The following VAV3 variants were observed in gnomAD, a reference collection of about 807,000 sequenced individuals.
VAV3 encodes the protein guanine nucleotide exchange factor VAV3.
VAV3 carries 94 observed loss-of-function variants against 131.2 expected under a neutral mutation model. The ratio of observed to expected loss-of-function variants is 0.72; its 90% confidence interval spans 0.61 to 0.85. The LOEUF (loss-of-function observed/expected upper bound fraction) is 0.85. VAV3 is among the 40% of genes least tolerant of loss of function. The pLI is 0.00. For missense variants in VAV3, 939 were observed against 1,002.7 expected, an observed-to-expected ratio of 0.94 and a Z score of 0.86; for synonymous variants, 349 against 342.0, an observed-to-expected ratio of 1.02 and a Z score of -0.22.
At chr1:107,863,635 G>A (rs1044386771) in intron 2 of VAV3, among the ~76,000 whole-genome samples, 1 of 152,070 alleles carries the variant, frequency 6.6e-6, no homozygotes, top group Non-Finnish European at 1.5e-5. Flanking sequence ...TTACCACTTC[G>A]GCACCTTCCT....
intron 1 of VAV3, among the ~76,000 whole-genome samples, chr1:107,939,851 C>T (rs747762014): frequency 2.0e-4 from 31 of 151,948 alleles, no homozygotes; most frequent in Non-Finnish European, 4.3e-4. Context: ...AATATCTCCC[C>T]CCACCCCCAT....
At chr1:107,855,287 A>T (rs1274300296) in intron 2 of VAV3, among the ~76,000 whole-genome samples, 1 of 151,994 alleles carries the variant, frequency 6.6e-6, no homozygotes, top group African/African-American at 2.4e-5. Flanking sequence ...ATTTTATTTT[A>T]TTTTTTTGAG....
chr1:107,758,680 T>G (rs977902612), intron 10 of VAV3, among the ~76,000 whole-genome samples: 7 of 152,178 alleles, frequency 4.6e-5, no homozygotes, highest in Non-Finnish European at 8.8e-5. Flanking sequence ...GTTTCTATAA[T>G]ATAAATCAGA....
Position 107,907,435 on chromosome 1 carries a change from T to G in VAV3, c.205-32418A>C, listed in dbSNP as rs530520440. Among the ~76,000 whole-genome samples the G allele has an allele frequency of 1.9e-3, 292 of 152,270 alleles. 3 individuals carry two copies. The highest frequency in any genetic ancestry group is 6.9e-3 in the African/African-American group (288 of 41,542). Reference sequence around the variant, plus strand: ...TTTTTAACACAAAAATTTTAAGATATATGTATAACTGCTATCATTTAAATG... The same window carrying G: ...TTTTTAACACAAAAATTTTAAGATAGATGTATAACTGCTATCATTTAAATG... On this transcript the variant is annotated intron_variant, in intron 1 of 26. Coordinates refer to ENST00000370056, the MANE Select transcript of VAV3 (RefSeq NM_006113.5).
At chr1:107,920,344 C>T (rs998282977) in intron 1 of VAV3, among the ~76,000 whole-genome samples, 2 of 152,180 alleles carry the variant, frequency 1.3e-5, no homozygotes, top group Admixed American at 6.5e-5. Flanking sequence ...GGTATAAATA[C>T]GGCCATCCAC....
chr1:107,829,953 T>G (rs1438319679), intron 2 of VAV3, among the ~76,000 whole-genome samples: 1 of 152,184 alleles, frequency 6.6e-6, no homozygotes, highest in Non-Finnish European at 1.5e-5. Flanking sequence ...AAGTTTTATT[T>G]CATTTAAAGA....
At chr1:107,773,374 A>C (rs1665159228) in intron 4 of VAV3, among the ~76,000 whole-genome samples, 1 of 152,196 alleles carries the variant, frequency 6.6e-6, no homozygotes, top group South Asian at 2.1e-4. Context: ...TAGGAGAGTT[A>C]AATTGTATCT....
chr1:107,665,992 G>C (rs891229290), intron 19 of VAV3, among the ~76,000 whole-genome samples: 1 of 152,176 alleles, frequency 6.6e-6, no homozygotes, highest in East Asian at 1.9e-4. Flanking sequence ...AAAACAGGGA[G>C]GGGGAAGAGT....
intron 18 of VAV3, among the ~76,000 whole-genome samples, chr1:107,686,783 T>A (rs1055551040): frequency 6.6e-6 from 1 of 152,188 alleles, no homozygotes; most frequent in Non-Finnish European, 1.5e-5. Flanking sequence ...TACATGTAAT[T>A]TAAAAAGTAT....
chr1:107,748,581 T>C (rs937669104), intron 15 of VAV3, among the ~76,000 whole-genome samples: 1 of 152,238 alleles, frequency 6.6e-6, no homozygotes, highest in Non-Finnish European at 1.5e-5. Flanking sequence ...TATCTGTTTG[T>C]GTATGTACAC....
At chr1:107,952,236 A>C (rs1401827369) in intron 1 of VAV3, among the ~76,000 whole-genome samples, 4 of 151,908 alleles carry the variant, frequency 2.6e-5, no homozygotes, top group African/African-American at 9.7e-5. Context: ...ACATGTTCTC[A>C]CTTATAAGTG....
At chr1:107,882,207 C>G (rs1171053711) in intron 1 of VAV3, among the ~76,000 whole-genome samples, 1 of 152,048 alleles carries the variant, frequency 6.6e-6, no homozygotes, top group Admixed American at 6.6e-5. Context: ...GCTAATAGAC[C>G]TTCACACAAT....
chr1:107,735,904 A>G (rs1197998431), intron 15 of VAV3, among the ~76,000 whole-genome samples: 1 of 152,184 alleles, frequency 6.6e-6, no homozygotes, highest in African/African-American at 2.4e-5. Context: ...ACAACAACAA[A>G]AAAAGAGAAT....
chr1:107,721,140 T>C (rs1381843525), intron 15 of VAV3, among the ~76,000 whole-genome samples: 8 of 152,112 alleles, frequency 5.3e-5, no homozygotes, highest in Non-Finnish European at 1.5e-5. Flanking sequence ...CGAGACTAAA[T>C]TTAGGCATAA....
At chr1:107,880,796 C>CA (rs750966707) in intron 1 of VAV3, among the ~76,000 whole-genome samples, 7,747 of 86,294 alleles carry the variant, frequency 0.09, 263 homozygotes, top group Non-Finnish European at 0.12. Flanking sequence ...ATTCTGTCTC[C>CA]AAAAAAAAAA....
chr1:107,642,635 T>C lies in VAV3; in HGVS notation c.1898A>G (p.His633Arg). 1 of 1,613,076 alleles carries C rather than the reference T, an allele frequency of 6.2e-7. No individual in the cohort carries two copies. The highest frequency in any genetic ancestry group is 1.1e-5 in the South Asian group (1 of 91,004). The change falls in exon 20 of 27, where the codon CAC becomes CGC. Residue 633 changes from histidine (H) to arginine (R), a missense_variant. By Grantham distance (29) the His-to-Arg change is conservative. Transcript: ENST00000370056. ...CAACAGTACCTGCCAAAACAGACTG[T>C]GTGCATCTCCTTTCAGAAGTTCAAC... The part of the protein sequence containing the change: ...DTVELLKGDA[H>R]SLFWQGRNLA...
At position 107,603,183 on chromosome 1, in the gene VAV3, A is replaced by T. The variant is rs1652000782; in HGVS notation, c.2016-20T>A. ...GCATACCTGTAAAAAACAATGACAC[A>T]GAAAATTTGGATAATATACCTGGAA... On this transcript the variant is annotated intron_variant, in intron 22 of 26. Transcript: ENST00000370056. The T allele has an allele frequency of 6.3e-7, 1 of 1,593,996 alleles. No individual in the cohort carries two copies. The highest frequency in any genetic ancestry group is 1.3e-5 in the African/African-American group (1 of 74,516).
At chr1:107,601,537 T>C (rs761033739) in intron 24 of VAV3, among the ~76,000 whole-genome samples, 6 of 152,210 alleles carry the variant, frequency 3.9e-5, no homozygotes. Context: ...GTTCATTCAA[T>C]GAGTGGTCCT....
At chr1:107,682,242 C>T (rs978260618) in intron 19 of VAV3, among the ~76,000 whole-genome samples, 1 of 151,408 alleles carries the variant, frequency 6.6e-6, no homozygotes, top group Non-Finnish European at 1.5e-5. Flanking sequence ...ACTACAAATA[C>T]AAAAATGCAT....
Sources: allele counts gnomAD v4.1 joint callset (sites outside exome capture counted in the v4.1 genomes callset), GRCh38; gene constraint gnomAD v4.1.1; transcripts MANE v1.5; gene names NCBI Gene and HGNC (gene_info 2026-07-23, HGNC 2026-07-21).